Variants in FILIP1L observed in about 807,000 individuals in gnomAD.
The protein encoded by FILIP1L is filamin A-interacting protein 1-like.
In FILIP1L, 55 loss-of-function variants were observed where a neutral mutation model predicts 96.6. The ratio of observed to expected loss-of-function variants is 0.57; its 90% CI spans 0.46 to 0.71. The LOEUF (loss-of-function observed/expected upper bound fraction) is 0.71, where lower values mean the gene tolerates loss of function less well. Among genes scored for constraint, FILIP1L ranks in the 30% least tolerant of loss-of-function variants. The pLI, the probability that FILIP1L is intolerant of heterozygous loss-of-function variation, is 0.00. For missense variants in FILIP1L, 1,304 were observed against 1,321.2 expected (o/e 0.99, Z 0.20); for synonymous variants, 467 against 473.9 (o/e 0.99, Z 0.19).
At chr3:99,842,817 T>C (rs1295475244) in intron 5 of FILIP1L, among the ~76,000 whole-genome samples, 2 of 152,224 alleles carry the variant, frequency 1.3e-5, no homozygotes, top group African/African-American at 4.8e-5. Flanking sequence ...TTGACAGATT[T>C]GTAAGTGCTC....
At chr3:100,037,333 A>G (rs775818934) in intron 1 of FILIP1L, among the ~76,000 whole-genome samples, 7 of 152,224 alleles carry the variant, frequency 4.6e-5, no homozygotes, top group Non-Finnish European at 1.0e-4. Context: ...CAAAAGTGGT[A>G]AAAATTTTAA....
intron 5 of FILIP1L, among the ~76,000 whole-genome samples, chr3:99,838,872 A>T (rs931093813): frequency 1.3e-5 from 2 of 152,150 alleles, no homozygotes; most frequent in African/African-American, 4.8e-5. Context: ...TTACCTCACT[A>T]TGCAGAAACC....
At chr3:100,089,857 T>TTGTCACCTC (rs2066073472) in intron 1 of FILIP1L, among the ~76,000 whole-genome samples, 2 of 152,202 alleles carry the variant, frequency 1.3e-5, no homozygotes, top group Non-Finnish European at 2.9e-5. Context: ...ACCTACTAGT[T>TTGTCACCTC]CAGTGACCTG....
At chr3:100,029,644 T>G (rs561680180) in intron 1 of FILIP1L, among the ~76,000 whole-genome samples, 1 of 152,332 alleles carries the variant, frequency 6.6e-6, no homozygotes, top group South Asian at 2.1e-4. Context: ...CTGAGCAGTT[T>G]ACTGACATTC....
chr3:99,854,372 T>A (rs151325116), intron 4 of FILIP1L, among the ~76,000 whole-genome samples: 302 of 152,356 alleles, frequency 2.0e-3, no homozygotes, highest in African/African-American at 6.8e-3. Context: ...ATCAATGATT[T>A]TGATTGCTTT....
intron 1 of FILIP1L, chr3:100,025,634 T>C (rs1224705966): frequency 1.3e-5 from 2 of 152,170 alleles, no homozygotes; most frequent in African/African-American, 4.8e-5. Flanking sequence ...AAACAAGTCT[T>C]TGGGTTCATG....
chr3:100,018,081 C>T, intron 1 of FILIP1L, among the ~76,000 whole-genome samples: 1 of 152,212 alleles, frequency 6.6e-6, no homozygotes, highest in Non-Finnish European at 1.5e-5. Context: ...GTAATCTCAG[C>T]ACTTTGGGAG....
chr3:99,973,232 A>AT lies in FILIP1L; in HGVS notation c.-10-42203dup, dbSNP rs550716881. ...AACATCATAAACAAAATGAATAAAA[A>AT]TTTTTTTTCTCTTCTTGTGATCTCA... On this transcript the variant is annotated intron_variant, in intron 1 of 5. Transcript: ENST00000477258. Among the ~76,000 whole-genome samples the AT allele has an allele frequency of 2.3e-3, 345 of 152,180 alleles. 1 individual carries two copies. Among genetic ancestry groups the AT allele is most frequent in the African/African-American group, 7.4e-3 (308 of 41,528 alleles).
chr3:100,096,727 A>G (rs2066216257), intron 1 of FILIP1L, among the ~76,000 whole-genome samples: 1 of 152,130 alleles, frequency 6.6e-6, no homozygotes, highest in Non-Finnish European at 1.5e-5. Context: ...CTACAGTCAA[A>G]TTAATTTAAT....
chr3:100,107,337 T>C (rs1201841668), intron 1 of FILIP1L, among the ~76,000 whole-genome samples: 1 of 152,164 alleles, frequency 6.6e-6, no homozygotes, highest in Non-Finnish European at 1.5e-5. Context: ...ACAAAGTGCA[T>C]GTGGGTTTTA....
intron 1 of FILIP1L, among the ~76,000 whole-genome samples, chr3:99,993,135 C>G (rs1331830458): frequency 6.6e-6 from 1 of 151,780 alleles, no homozygotes; most frequent in Non-Finnish European, 1.5e-5. Flanking sequence ...ATTTCTTTGG[C>G]TATTTGAGCT....
chr3:100,041,075 T>TA (rs933519296), intron 1 of FILIP1L: 4 of 152,332 alleles, frequency 2.6e-5, no homozygotes, highest in African/African-American at 9.6e-5. Context: ...ACATTTTCCT[T>TA]AGACAGTTGG....
intron 1 of FILIP1L, among the ~76,000 whole-genome samples, chr3:99,976,952 C>A (rs1193240671): frequency 6.6e-6 from 1 of 152,268 alleles, no homozygotes; most frequent in Middle Eastern, 3.4e-3. Context: ...AGTTTGAACT[C>A]CCTGTGTGAC....
chr3:99,886,140 T>C (rs1705888449), intron 4 of FILIP1L, among the ~76,000 whole-genome samples: 1 of 152,258 alleles, frequency 6.6e-6, no homozygotes, highest in African/African-American at 2.4e-5. Flanking sequence ...TGAGAGATGA[T>C]TTATAGATAT....
At chr3:99,866,983 TTA>T (rs540479544) in intron 4 of FILIP1L, among the ~76,000 whole-genome samples, 1 of 152,206 alleles carries the variant, frequency 6.6e-6, no homozygotes, top group Non-Finnish European at 1.5e-5. Context: ...AGCATTTGGG[TTA>T]TGTTTTCCTT....
At chr3:99,993,471 C>T (rs1233210290) in intron 1 of FILIP1L, among the ~76,000 whole-genome samples, 1 of 152,032 alleles carries the variant, frequency 6.6e-6, no homozygotes, top group African/African-American at 2.4e-5. Context: ...CCTCTTATTT[C>T]TTTCTCTTAC....
At chr3:99,979,123 A>G (rs1709049181) in intron 1 of FILIP1L, among the ~76,000 whole-genome samples, 1 of 152,208 alleles carries the variant, frequency 6.6e-6, no homozygotes, top group Non-Finnish European at 1.5e-5. Context: ...AGAAATGATA[A>G]ATGTTTGAGG....
At chr3:100,069,531 T>TA (rs989672582) in intron 1 of FILIP1L, among the ~76,000 whole-genome samples, 1 of 152,118 alleles carries the variant, frequency 6.6e-6, no homozygotes, top group Non-Finnish European at 1.5e-5. Context: ...GGATTTCTGA[T>TA]ACGGCAGCCA....
chr3:100,087,741 C>G (rs1024388319), intron 1 of FILIP1L, among the ~76,000 whole-genome samples: 7 of 151,512 alleles, frequency 4.6e-5, no homozygotes, highest in African/African-American at 1.5e-4. Flanking sequence ...ACCAATTGAT[C>G]AGTGTTCTCT....
Sources: allele counts gnomAD v4.1 joint callset (sites outside exome capture counted in the v4.1 genomes callset), GRCh38; gene constraint gnomAD v4.1.1; transcripts MANE v1.5; gene names NCBI Gene and HGNC (gene_info 2026-07-23, HGNC 2026-07-21).